LRP1: variants seen among roughly 807,000 people sequenced by gnomAD.
LRP1 encodes the protein LDL receptor related protein 1.
Under a neutral mutation model 541.5 loss-of-function variants are expected in LRP1, and 51 were observed. That is an observed-to-expected ratio of 0.09 (90% confidence interval 0.08 to 0.12). LRP1 has a LOEUF of 0.12. LRP1 is among the 10% of genes least tolerant of loss of function. The pLI is 1.00. For synonymous variants in LRP1, 2,219 were observed against 2,470.8 expected (o/e 0.90, Z 3.02); for missense variants, 3,878 against 6,376.2 (o/e 0.61, Z 13.34).
Position 57,158,232 on chromosome 12 carries a change from G to A in LRP1, c.1562-170G>A, listed in dbSNP as rs1316672022. ...CAGGGTATTGCGGCCAGGACCCATC[G>A]TCCTGTATGTTAGCGTGTGCGTGGT... On this transcript the variant is annotated intron_variant, in intron 10 of 88. Transcript: ENST00000243077. The surrounding 1 kb of genome is among the most constrained non-coding windows in gnomAD (Gnocchi z 5.3). Among the ~76,000 whole-genome samples, 9 of 152,314 alleles carry A rather than the reference G, an allele frequency of 5.9e-5. No individual in the cohort carries two copies. The highest frequency in any genetic ancestry group is 2.6e-4 in the Admixed American group (4 of 15,296).
intron 30 of LRP1, 45 bp from the exon 31 acceptor site, chr12:57,180,002 G>A: frequency 1.9e-6 from 3 of 1,613,750 alleles, no homozygotes; most frequent in Non-Finnish European, 2.5e-6. Flanking sequence ...GTGGGGCTGG[G>A]AAGAAGAGGA....
In LRP1 at chr12:57,208,206, C is replaced by G. The variant is rs201514351; in HGVS notation, c.12028C>G (p.Pro4010Ala). ...IDEPHAIVVD[P>A]LRGTMYWSDW... is the part of the protein sequence containing the mutation. Reference sequence around the variant, plus strand: ...CGAGCCCCACGCCATTGTGGTGGACCCACTGAGGGGGTGGGCAAGGGCCCT... The same window carrying G: ...CGAGCCCCACGCCATTGTGGTGGACGCACTGAGGGGGTGGGCAAGGGCCCT... Residue 4010 changes from proline to alanine, a missense_variant, in exon 77 of 89, where the codon CCA (proline) becomes GCA (alanine). This residue lies in a region of LRP1 where 871 missense variants were observed against 1,212.4 expected (regional missense o/e 0.72). Coordinates refer to ENST00000243077, the MANE Select transcript of LRP1 (RefSeq NM_002332.3). 6.2e-7 allele frequency: 1 copy of G among 1,613,522 alleles called. No homozygotes were observed. Among genetic ancestry groups the G allele is most frequent in the Admixed American group, 1.7e-5 (1 of 59,992 alleles).
At chr12:57,180,916 C>A (rs1055231610) in intron 33 of LRP1, 109 bp downstream of exon 33, 3 of 1,445,498 alleles carry the variant, frequency 2.1e-6, no homozygotes, top group Non-Finnish European at 2.9e-6. Context: ...TTAGGCTGTA[C>A]CCACCACCCA....
In LRP1 at chr12:57,185,868, G is replaced by A. The variant is rs1339740710; in HGVS notation, c.6801G>A (p.Gln2267=). Residue 2267 remains glutamine (Q), a synonymous_variant, in exon 41 of 89, where the codon CAG becomes CAA. Transcript: ENST00000243077. The surrounding 1 kb of genome is among the most constrained non-coding windows in gnomAD (Gnocchi z 4.9). ...ACATCCACTTTGGGAACATCCAACAGATCAACGACGATGGCTCCAGGAGGA... is the reference window on the plus strand; with the variant it reads ...ACATCCACTTTGGGAACATCCAACAAATCAACGACGATGGCTCCAGGAGGA... ...FSDIHFGNIQ[Q]INDDGSRRIT... 6.2e-7 allele frequency: 1 copy of A among 1,614,112 alleles called. No individual in the cohort carries two copies. Among genetic ancestry groups the A allele is most frequent in the Admixed American group, 1.7e-5 (1 of 60,020 alleles).
At position 57,180,413 on chromosome 12, in the gene LRP1, A is replaced by G. The variant is rs2136704700; in HGVS notation, c.5320A>G (p.Ser1774Gly). The change falls in exon 32 of 89, where the codon AGT becomes GGT. Residue 1774 changes from serine (S) to glycine (G), a missense_variant. This residue lies in a region of LRP1 where 394 missense variants were observed against 635.9 expected (regional missense o/e 0.62). Coordinates refer to ENST00000243077, the MANE Select transcript of LRP1 (RefSeq NM_002332.3). ...CATCAACCGCTGCAACCTGGATGGG[A>G]GTGGGCTGGAGGTCATCGATGCCAT... ...HTINRCNLDG[S>G]GLEVIDAMRS... is the part of the protein sequence containing the mutation. The G allele has an allele frequency of 6.2e-7, 1 of 1,614,162 alleles. No homozygotes were observed. Among genetic ancestry groups the G allele is most frequent in the Non-Finnish European group, 8.5e-7 (1 of 1,180,040 alleles).
Position 57,185,599 on chromosome 12 carries a change from C to T in LRP1, c.6532C>T (p.Arg2178Trp), listed in dbSNP as rs745489911. ...GTGCCTGTACCGGGGCCGTGGGCAG[C>T]GGGCCTGCGCCTGTGCCCACGGGAT... ...QLCLYRGRGQ[R>W]ACACAHGMLA... Residue 2178 changes from arginine (R) to tryptophan (W), a missense_variant, in exon 41 of 89, where the codon CGG becomes TGG. Transcript: ENST00000243077. This position sits in a 1 kb window ranked among gnomAD's most constrained non-coding sequence, Gnocchi z 4.9. The T allele has an allele frequency of 2.8e-5, 45 of 1,607,380 alleles. No individual in the cohort carries two copies. The East Asian group carries it at 4.2e-4, about 15-fold the overall frequency.
intron 3 of LRP1, 109 bp downstream of exon 3, chr12:57,141,620 C>A: frequency 7.3e-7 from 1 of 1,376,434 alleles, no homozygotes; most frequent in South Asian, 1.3e-5. Flanking sequence ...TTGTCCTGGT[C>A]CCCTGCCTAG....
chr12:57,211,388 G>C lies in LRP1; in HGVS notation c.13091+38G>C. On this transcript the variant is annotated intron_variant, in intron 84 of 88. Coordinates refer to ENST00000243077, the MANE Select transcript of LRP1 (RefSeq NM_002332.3). This position sits in a 1 kb window ranked among gnomAD's most constrained non-coding sequence, Gnocchi z 4.3. ...CTCCTCCACAGTTCCACCCAGCTGG[G>C]CCCCTGCCCTGTCCTAGCCCTGCCC... 6.2e-7 allele frequency: 1 copy of C among 1,610,430 alleles called. No individual in the cohort carries two copies. Among genetic ancestry groups the C allele is most frequent in the East Asian group, 2.2e-5 (1 of 44,840 alleles).
intron 1 of LRP1, among the ~76,000 whole-genome samples, chr12:57,138,071 G>A (rs2035211202): frequency 6.6e-6 from 1 of 152,126 alleles, no homozygotes; most frequent in Admixed American, 6.6e-5. Flanking sequence ...AGGAGTTAGA[G>A]GAAGACAAAG....
At position 57,178,239 on chromosome 12, in the gene LRP1, A is replaced by C; in HGVS notation, c.4362-120A>C. 5 of 1,165,980 alleles carry C rather than the reference A, an allele frequency of 4.3e-6. No homozygotes were observed. Among genetic ancestry groups the C allele is most frequent in the Non-Finnish European group, 6.1e-6 (5 of 825,160 alleles). The allele number at this position is 1,165,980 out of a possible 1,614,324, so 72.2% of individuals were successfully genotyped here. A position where few individuals can be genotyped will look rare whatever the true frequency, so the allele number is the denominator to read the frequency against. ...TGGCCAGCAAGGCTTAGGGGAGGGAATGGTCCCATGCTCTTCGCTGGGAGG... is the reference window on the plus strand; with the variant it reads ...TGGCCAGCAAGGCTTAGGGGAGGGACTGGTCCCATGCTCTTCGCTGGGAGG... On this transcript the variant is annotated intron_variant, in intron 26 of 88. Coordinates refer to ENST00000243077, the MANE Select transcript of LRP1 (RefSeq NM_002332.3). The surrounding 1 kb of genome is among the most constrained non-coding windows in gnomAD (Gnocchi z 5.8).
chr12:57,211,651 G>C lies in LRP1; in HGVS notation c.13193+63G>C, dbSNP rs537677542. On this transcript the variant is annotated intron_variant, in intron 85 of 88. Coordinates refer to ENST00000243077, the MANE Select transcript of LRP1 (RefSeq NM_002332.3). The surrounding 1 kb of genome is among the most constrained non-coding windows in gnomAD (Gnocchi z 4.3). ...CGCTCCCTTCCCCAGATTTGAGCAG[G>C]AGGACCGTCAGGCCTCAGTGCCCAC... is the stretch of plus-strand genomic sequence containing the variant. 2.5e-6 allele frequency: 4 copies of C among 1,602,510 alleles called. No individual in the cohort carries two copies. In the East Asian group the frequency reaches 8.9e-5, roughly 36 times the overall value.
Position 57,203,277 on chromosome 12 carries a change from G to T in LRP1, c.10808G>T (p.Gly3603Val), listed in dbSNP as rs745752639. 6.2e-7 allele frequency: 1 copy of T among 1,605,972 alleles called. No homozygotes were observed. Residue 3603 changes from glycine (G) to valine (V), a missense_variant, in exon 69 of 89, where the codon GGC (glycine) becomes GTC (valine). Gly to Val is a moderately radical substitution (Grantham distance 109, BLOSUM62 -3). Coordinates refer to ENST00000243077, the MANE Select transcript of LRP1 (RefSeq NM_002332.3). ...KCDGDHDCAD[G>V]SDEKDCTPRC... ...GATGGAGACCACGACTGCGCGGACGGCTCGGACGAGGTGGGCAGGGAGATG... is the reference window on the plus strand; with the variant it reads ...GATGGAGACCACGACTGCGCGGACGTCTCGGACGAGGTGGGCAGGGAGATG...
At chr12:57,209,241 A>C (rs1037896101) in intron 79 of LRP1, 42 bp downstream of exon 79, 5 of 1,518,216 alleles carry the variant, frequency 3.3e-6, no homozygotes. Flanking sequence ...CCCTGTCCCC[A>C]GCCTTGCCAT....
intron 13 of LRP1, among the ~76,000 whole-genome samples, chr12:57,161,773 G>A (rs901679439): frequency 6.6e-6 from 1 of 152,028 alleles, no homozygotes; most frequent in Non-Finnish European, 1.5e-5. Context: ...CTGCTCAGGG[G>A]CTACCTCCCC....
At chr12:57,180,272 C>T (rs976586829) in intron 31 of LRP1, 58 bp from the exon 32 acceptor site, 2 of 1,603,716 alleles carry the variant, frequency 1.2e-6, no homozygotes, top group African/African-American at 2.7e-5. Context: ...CATCTGCTCC[C>T]TTCCCTGGAT....
chr12:57,166,291 A>G, intron 17 of LRP1, 82 bp downstream of exon 17: 6 of 1,492,554 alleles, frequency 4.0e-6, no homozygotes, highest in Non-Finnish European at 5.4e-6. Flanking sequence ...TCAGTGGCTC[A>G]TGCCTATAAT....
In LRP1 at chr12:57,177,544, G is replaced by T. The variant is rs1161886694; in HGVS notation, c.4314G>T (p.Gly1438=). ...RETGSGGWPN[G]LTVDYLEKRI... ...CCGGCTCTGGGGGCTGGCCCAACGG[G>T]CTCACCGTGGACTACCTGGAGAAGC... The change falls in exon 26 of 89, where the codon GGG becomes GGT. Residue 1438 remains glycine (G), a synonymous_variant. Coordinates refer to ENST00000243077, the MANE Select transcript of LRP1 (RefSeq NM_002332.3). The surrounding 1 kb of genome is among the most constrained non-coding windows in gnomAD (Gnocchi z 6.8). The T allele has an allele frequency of 1.2e-6, 2 of 1,613,830 alleles. No homozygotes were observed. The highest frequency in any genetic ancestry group is 1.3e-5 in the African/African-American group (1 of 74,950).
intron 6 of LRP1, among the ~76,000 whole-genome samples, chr12:57,147,171 G>A (rs1282969229): frequency 6.6e-6 from 1 of 151,924 alleles, no homozygotes; most frequent in Admixed American, 6.6e-5. Context: ...GGAAATGCTT[G>A]TGGGGTAAAT....
rs116060904 is a variant in LRP1 at position 57,210,924 on chromosome 12, G to A, written c.12916+45G>A. 5.6e-5 allele frequency: 89 copies of A among 1,584,976 alleles called. No homozygotes were observed. The African/African-American group carries it at 9.6e-4, about 17-fold the overall frequency. ...GCCCCAGGGCATGCGGGAGGGTGAC[G>A]GGGGACCCCAGAGCATGGGGTGATG... On this transcript the variant is annotated intron_variant, in intron 83 of 88. Transcript: ENST00000243077.
Sources: allele counts gnomAD v4.1 joint callset (sites outside exome capture counted in the v4.1 genomes callset), GRCh38; gene constraint gnomAD v4.1.1; regional missense constraint gnomAD v4.1.1; non-coding constraint Gnocchi (gnomAD v3.1); transcripts MANE v1.5; gene names NCBI Gene and HGNC (gene_info 2026-07-23, HGNC 2026-07-21).